The following MC2R variants were observed in gnomAD, a reference collection of about 807,000 sequenced individuals.
MC2R encodes adrenocorticotropic hormone receptor.
Under a neutral mutation model 9.8 loss-of-function variants are expected in MC2R, and 9 were observed. That is an observed-to-expected ratio of 0.92 (90% CI 0.55 to 1.60). MC2R has a LOEUF of 1.60. MC2R is among the 40% of genes most tolerant of loss of function. The pLI is 0.00. For synonymous variants in MC2R, 185 were observed against 154.7 expected (o/e 1.20, Z -1.45); for missense variants, 370 against 389.0 (o/e 0.95, Z 0.41).
chr18:13,900,663 A>G (rs1183466874), intron 1 of MC2R, among the ~76,000 whole-genome samples: 2 of 152,214 alleles, frequency 1.3e-5, no homozygotes, highest in Non-Finnish European at 2.9e-5. Flanking sequence ...GAAGGTCACT[A>G]CATAATGACA....
In MC2R at chr18:13,895,843, C is replaced by T. The variant is rs181004184; in HGVS notation, c.-128-10197G>A. ...GAGAAGGTGGAGGAGCCATCCGCAA[C>T]AGCAACACCATGAGGCAGCGAGAAG... On this transcript the variant is annotated intron_variant, in intron 1 of 1. Transcript: ENST00000327606. Among the ~76,000 whole-genome samples, 5 of 152,270 alleles carry T rather than the reference C, an allele frequency of 3.3e-5. No homozygotes were observed. In the East Asian group the frequency reaches 9.7e-4, roughly 29 times the overall value.
chr18:13,885,446 C>A lies in MC2R; in HGVS notation c.73G>T (p.Val25Phe). 6.2e-7 allele frequency: 1 copy of A among 1,614,090 alleles called. No individual in the cohort carries two copies. Among genetic ancestry groups the A allele is most frequent in the Non-Finnish European group, 8.5e-7 (1 of 1,179,984 alleles). Residue 25 changes from valine to phenylalanine, a missense_variant, in exon 2 of 2, where the codon GTT becomes TTT. Coordinates refer to ENST00000327606, the MANE Select transcript of MC2R (RefSeq NM_000529.2). ...ARNNSDCPRV[V>F]LPEEIFFTIS... ...GTGAAAAATATCTCCTCCGGCAAAA[C>A]CACACGAGGACAGTCGGAATTATTT...
intron 1 of MC2R, among the ~76,000 whole-genome samples, chr18:13,899,512 G>A (rs1002634873): frequency 1.3e-5 from 2 of 152,060 alleles, no homozygotes; most frequent in African/African-American, 4.8e-5. Flanking sequence ...GGAAGTAAAA[G>A]GTTATAGAAC....
At chr18:13,887,979 C>T (rs991480646) in intron 1 of MC2R, among the ~76,000 whole-genome samples, 5 of 152,128 alleles carry the variant, frequency 3.3e-5, no homozygotes, top group Non-Finnish European at 5.9e-5. Flanking sequence ...AATACAGGGG[C>T]CAACACCTGT....
At chr18:13,890,195 T>C (rs983423779) in intron 1 of MC2R, among the ~76,000 whole-genome samples, 1 of 152,072 alleles carries the variant, frequency 6.6e-6, no homozygotes, top group Non-Finnish European at 1.5e-5. Context: ...ACACCACTTG[T>C]GGTTTAGGAA....
chr18:13,904,361 A>G (rs1364784645), intron 1 of MC2R, among the ~76,000 whole-genome samples: 2 of 145,672 alleles, frequency 1.4e-5, no homozygotes, highest in Non-Finnish European at 3.0e-5. Context: ...AGCCTGGGTG[A>G]CAGAGCAAGA....
intron 1 of MC2R, among the ~76,000 whole-genome samples, chr18:13,897,995 G>A (rs1019637489): frequency 1.2e-4 from 18 of 151,862 alleles, no homozygotes; most frequent in African/African-American, 4.1e-4. Flanking sequence ...AAAAGCTGAG[G>A]GAAAAGTACA....
At chr18:13,915,453 T>C (rs1169516060) in intron 1 of MC2R, 35 bp downstream of exon 1, 2 of 152,700 alleles carry the variant, frequency 1.3e-5, no homozygotes, top group Non-Finnish European at 2.9e-5. Context: ...CAAAAGCACT[T>C]AGCAAGCTGA....
intron 1 of MC2R, among the ~76,000 whole-genome samples, chr18:13,911,070 G>A (rs1214674750): frequency 6.6e-6 from 1 of 152,258 alleles, no homozygotes; most frequent in Non-Finnish European, 1.5e-5. Context: ...AACACAGGCA[G>A]GTGCAGTTGC....
At chr18:13,914,786 G>T (rs144455743) in intron 1 of MC2R, among the ~76,000 whole-genome samples, 8 of 152,302 alleles carry the variant, frequency 5.3e-5, no homozygotes, top group Non-Finnish European at 1.2e-4. Context: ...TGTGCCCCCC[G>T]ACAGAGCCAG....
chr18:13,887,527 G>A (rs1441143497), intron 1 of MC2R, among the ~76,000 whole-genome samples: 1 of 152,230 alleles, frequency 6.6e-6, no homozygotes, highest in African/African-American at 2.4e-5. Context: ...GCCTGACTGA[G>A]TTTCAGGGTG....
At chr18:13,913,406 C>T (rs1027587613) in intron 1 of MC2R, among the ~76,000 whole-genome samples, 2 of 152,246 alleles carry the variant, frequency 1.3e-5, no homozygotes, top group African/African-American at 4.8e-5. Context: ...GATGCTGGGA[C>T]ACCTACTAGG....
At chr18:13,898,725 C>G (rs976413417) in intron 1 of MC2R, among the ~76,000 whole-genome samples, 14 of 152,228 alleles carry the variant, frequency 9.2e-5, no homozygotes, top group African/African-American at 3.1e-4. Flanking sequence ...ACAAGAGTCT[C>G]TACTTGGTAA....
Position 13,884,627 on chromosome 18 carries a change from A to G in MC2R, c.892T>C (p.Ter298GlnextTer3). 1 of 1,612,286 alleles carries G rather than the reference A, an allele frequency of 6.2e-7. No individual in the cohort carries two copies. Among genetic ancestry groups the G allele is most frequent in the Non-Finnish European group, 8.5e-7 (1 of 1,180,014 alleles). The change falls in exon 2 of 2, where the codon TAG becomes CAG. Residue 298 changes from the stop codon to glutamine (Q), a stop_lost. Coordinates refer to ENST00000327606, the MANE Select transcript of MC2R (RefSeq NM_000529.2). ...KKMIFCSRYW[*>Q] ...TCTAAAACCAGGGATCAGCCATTCT[A>G]CCAGTACCTGCTGCAGAAGATCATC...
chr18:13,900,723 G>A lies in MC2R; in HGVS notation c.-129+14765C>T, dbSNP rs149287812. 3.5e-4 allele frequency among the ~76,000 whole-genome samples: 54 copies of A among 152,132 alleles called. No individual in the cohort carries two copies. The East Asian group carries it at 5.0e-3, about 14-fold the overall frequency. ...ATAACAATTTTAAATATATGCACCTGAGACTGTAGCACCTAGCTATATAAA... is the reference window on the plus strand; with the variant it reads ...ATAACAATTTTAAATATATGCACCTAAGACTGTAGCACCTAGCTATATAAA... On this transcript the variant is annotated intron_variant, in intron 1 of 1. Coordinates refer to ENST00000327606, the MANE Select transcript of MC2R (RefSeq NM_000529.2).
chr18:13,907,791 A>G lies in MC2R; in HGVS notation c.-129+7697T>C, dbSNP rs112494915. On this transcript the variant is annotated intron_variant, in intron 1 of 1. Transcript: ENST00000327606. ...GGTATATGAAAAATTTCAAAGCATCACTAATCATCAGAGAAATGAAAATCA... is the reference window on the plus strand; with the variant it reads ...GGTATATGAAAAATTTCAAAGCATCGCTAATCATCAGAGAAATGAAAATCA... 3.0e-3 allele frequency among the ~76,000 whole-genome samples: 457 copies of G among 152,354 alleles called. 4 individuals carry two copies. The highest frequency in any genetic ancestry group is 3.4e-3 in the Non-Finnish European group (232 of 68,036).
intron 1 of MC2R, among the ~76,000 whole-genome samples, chr18:13,900,441 A>T (rs2045372099): frequency 6.6e-6 from 1 of 152,146 alleles, no homozygotes. Context: ...TAAACTCTCC[A>T]ATTAGAAGAC....
Position 13,898,389 on chromosome 18 carries a change from T to A in MC2R, c.-128-12743A>T, listed in dbSNP as rs117877817. Among the ~76,000 whole-genome samples the A allele has an allele frequency of 3.0e-4, 45 of 152,304 alleles. No homozygotes were observed. The East Asian group carries it at 8.7e-3, about 29-fold the overall frequency. On this transcript the variant is annotated intron_variant, in intron 1 of 1. Transcript: ENST00000327606. ...ACACTAGGTAGACTTCTAAGGTTTG[T>A]CACTCTAGTCCCTGACACCTGGATA...
chr18:13,894,784 T>C (rs980837812), intron 1 of MC2R, among the ~76,000 whole-genome samples: 1 of 152,238 alleles, frequency 6.6e-6, no homozygotes, highest in African/African-American at 2.4e-5. Flanking sequence ...TCACATTTTT[T>C]AGTACTGCTC....
Sources: gnomAD v4.1 joint callset for allele counts (sites outside exome capture counted in the v4.1 genomes callset) on GRCh38, gnomAD v4.1.1 for gene constraint, MANE v1.5 for transcripts, NCBI Gene and HGNC (gene_info 2026-07-23, HGNC 2026-07-21) for gene names.